The following PLCXD1 variants were observed in gnomAD, a reference collection of about 807,000 sequenced individuals.
The protein encoded by PLCXD1 is phosphatidylinositol specific phospholipase C X domain containing 1, also known as PI-PLC X domain-containing protein 1.
PLCXD1 carries 45 observed loss-of-function variants against 37.8 expected under a neutral mutation model. The observed-to-expected ratio is 1.19, with a 90% CI of 0.94 to 1.53. The LOEUF (loss-of-function observed/expected upper bound fraction) is 1.53. Ranked by LOEUF, PLCXD1 falls within the 40% of genes most tolerant of loss-of-function variation. PLCXD1 has a pLI of 0.00. For missense variants in PLCXD1, 539 were observed against 454.7 expected (o/e 1.19, Z -1.69); for synonymous variants, 246 against 206.9 (o/e 1.19, Z -1.62).
At chrX:286,259 T>A (rs1444857119) in intron 2 of PLCXD1, among the ~76,000 whole-genome samples, 1 of 152,042 alleles carries the variant, frequency 6.6e-6, no homozygotes, top group African/African-American at 2.4e-5. Context: ...GAGATGGGGT[T>A]TCACCATGTT....
upstream of PLCXD1, among the ~76,000 whole-genome samples, chrX:276,608 G>T (rs1283754670): frequency 6.6e-6 from 1 of 152,140 alleles, no homozygotes; most frequent in Non-Finnish European, 1.5e-5. Flanking sequence ...GCAGCCACAG[G>T]CGGCCTGCAC....
upstream of PLCXD1, chrX:281,239 C>A: frequency 4.4e-6 from 1 of 228,166 alleles, no homozygotes; most frequent in Non-Finnish European, 8.8e-6. Context: ...CTCCTGGGGA[C>A]CCGGAGCCGC....
chrX:293,032 C>G lies in PLCXD1; in HGVS notation c.550-3C>G, dbSNP rs1289863506. 28 of 1,602,108 alleles carry G rather than the reference C, an allele frequency of 1.7e-5. No individual in the cohort carries two copies. The highest frequency in any genetic ancestry group is 2.4e-5 in the Non-Finnish European group (28 of 1,172,998). The stretch of plus-strand genomic sequence containing the variant: ...TGCACCCCTTAACTCTGGTCCTTTG[C>G]AGGAGGTGCCGACACTGCGGCAGCT... On this transcript the variant is annotated splice_polypyrimidine_tract_variant and splice_region_variant and intron_variant, in intron 5 of 6. Transcript: ENST00000381657.
chrX:294,364 C>T (rs775222402), intron 6 of PLCXD1, among the ~76,000 whole-genome samples: 195 of 152,158 alleles, frequency 1.3e-3, no homozygotes, highest in African/African-American at 4.4e-3. Context: ...CGCCTGTAAT[C>T]CCAGCTACTC....
intron 1 of PLCXD1, chrX:283,358 C>T (rs1167154766): frequency 6.6e-6 from 1 of 151,876 alleles, no homozygotes; most frequent in Non-Finnish European, 1.5e-5. Flanking sequence ...GAGACCAGCC[C>T]GTGTTATACG....
chrX:291,934 G>A (rs775110657), intron 5 of PLCXD1, among the ~76,000 whole-genome samples: 58 of 152,170 alleles, frequency 3.8e-4, no homozygotes, highest in African/African-American at 1.2e-3. Flanking sequence ...TTGGGAGGCC[G>A]AGGCGGGTGG....
rs2069637029 is a variant in PLCXD1 at position 291,577 on chromosome X, G to A, written c.472G>A (p.Gly158Arg). 1 of 1,613,042 alleles carries A rather than the reference G, an allele frequency of 6.2e-7. No individual in the cohort carries two copies. Among genetic ancestry groups the A allele is most frequent in the African/African-American group, 1.3e-5 (1 of 74,894 alleles). Reference protein sequence around the residue: ...VVILACRNFEGLSEDLHEYLV... With the variant: ...VVILACRNFERLSEDLHEYLV... ...CATCCTGGCCTGCAGAAACTTCGAGGGGCTGAGCGAGGACCTGCACGAGTA... is the reference window on the plus strand; with the variant it reads ...CATCCTGGCCTGCAGAAACTTCGAGAGGCTGAGCGAGGACCTGCACGAGTA... The change falls in exon 5 of 7, where the codon GGG (glycine) becomes AGG (arginine). Residue 158 changes from glycine (G) to arginine (R), a missense_variant. Gly to Arg is a moderately radical substitution (Grantham distance 125, BLOSUM62 -2). Transcript: ENST00000381657.
At chrX:278,500 A>G (rs1324544117), upstream of PLCXD1, among the ~76,000 whole-genome samples, 1 of 152,104 alleles carries the variant, frequency 6.6e-6, no homozygotes, top group Non-Finnish European at 1.5e-5. Flanking sequence ...GCACTTTGGG[A>G]GGCCAAGGCG....
chrX:276,920 C>T (rs1317185560), upstream of PLCXD1, among the ~76,000 whole-genome samples: 1 of 152,188 alleles, frequency 6.6e-6, no homozygotes, highest in African/African-American at 2.4e-5. Flanking sequence ...GTGAGTCTCC[C>T]GAGGACTCAG....
chrX:293,685 A>G (rs1257578912), intron 6 of PLCXD1, among the ~76,000 whole-genome samples: 1 of 152,184 alleles, frequency 6.6e-6, no homozygotes, highest in Non-Finnish European at 1.5e-5. Context: ...GTGGAATATT[A>G]CACAGCCATG....
rs1396220448 is a variant in PLCXD1 at position 285,367 on chromosome X, C to T, written c.127+1053C>T. On this transcript the variant is annotated intron_variant, in intron 2 of 6. Transcript: ENST00000381657. ...ACACGTGTACACATGTACACACATGCACACATGTATATATATATTTGCACC... is the reference window on the plus strand; with the variant it reads ...ACACGTGTACACATGTACACACATGTACACATGTATATATATATTTGCACC... Among the ~76,000 whole-genome samples the T allele has an allele frequency of 1.6e-4, 23 of 148,160 alleles. 1 individual carries two copies. The highest frequency in any genetic ancestry group is 6.0e-4 in the African/African-American group (23 of 38,110).
chrX:286,880 G>A (rs1208060578), intron 2 of PLCXD1, among the ~76,000 whole-genome samples: 1 of 152,012 alleles, frequency 6.6e-6, no homozygotes, highest in East Asian at 1.9e-4. Context: ...GGCAGCAGGA[G>A]AAGTACTGGT....
chrX:299,039 A>C (rs982060316), intron 6 of PLCXD1, 58 bp from the exon 7 acceptor site: 13 of 1,260,068 alleles, frequency 1.0e-5, no homozygotes, highest in Middle Eastern at 1.9e-4. Flanking sequence ...ACTAGGAGGG[A>C]GAAACAGGCG....
rs1569564521 is a variant in PLCXD1 at position 290,886 on chromosome X, C to CAAGCTCCCGT, written c.393+110_393+111insAAGCTCCCGT. The CAAGCTCCCGT allele has an allele frequency of 1.0e-3, 330 of 322,604 alleles. 2 individuals carry two copies. The highest frequency in any genetic ancestry group is 1.2e-3 in the East Asian group (18 of 14,870). 20.0% of individuals were successfully genotyped at this position (322,604 alleles called of 1,614,324 possible). On this transcript the variant is annotated intron_variant, in intron 4 of 6. Coordinates refer to ENST00000381657, the MANE Select transcript of PLCXD1 (RefSeq NM_018390.4). The stretch of plus-strand genomic sequence containing the variant: ...AGCAAGGGGGACAGCGGGAGGCGGC[C>CAAGCTCCCGT]GGGCACTGGTGCAGGTGCGGCCGGG...
At chrX:288,973 G>T (rs1226080642) in intron 3 of PLCXD1, 104 bp downstream of exon 3, 25 of 1,114,434 alleles carry the variant, frequency 2.2e-5, no homozygotes, top group Non-Finnish European at 3.1e-5. Flanking sequence ...TTTGAGTGGT[G>T]CCCTGTGGGC....
At chrX:291,696 G>A in intron 5 of PLCXD1, 42 bp downstream of exon 5, 1 of 1,601,636 alleles carries the variant, frequency 6.2e-7, no homozygotes, top group South Asian at 1.1e-5. Flanking sequence ...CCCGGGGCAG[G>A]GGCATCGTCA....
chrX:290,429 CAA>C lies in PLCXD1; in HGVS notation c.265-204_265-203del, dbSNP rs56084430. ...TGGGTGACAGAGCGAGACTCCGTCT[CAA>C]AAAAAAAAAAAAAAGGCCAGGTCCC... On this transcript the variant is annotated intron_variant, in intron 3 of 6. Coordinates refer to ENST00000381657, the MANE Select transcript of PLCXD1 (RefSeq NM_018390.4). Among the ~76,000 whole-genome samples the C allele has an allele frequency of 7.8e-3, 979 of 126,258 alleles. 8 individuals are homozygous for C. Among genetic ancestry groups the C allele is most frequent in the African/African-American group, 0.021 (736 of 34,436 alleles). 82.8% of individuals were successfully genotyped at this position (126,258 alleles called of 152,430 possible).
chrX:278,805 G>C (rs1364525180), upstream of PLCXD1, among the ~76,000 whole-genome samples: 2 of 151,780 alleles, frequency 1.3e-5, no homozygotes, highest in Admixed American at 6.6e-5. Flanking sequence ...GCCTCAGGAG[G>C]TCCTGACGAC....
At chrX:293,426 C>T (rs2069703239) in intron 6 of PLCXD1, among the ~76,000 whole-genome samples, 1 of 152,178 alleles carries the variant, frequency 6.6e-6, no homozygotes, top group Non-Finnish European at 1.5e-5. Context: ...GAGTTTGAGA[C>T]CAGCCTGGCC....
Sources: gnomAD v4.1 joint callset for allele counts (sites outside exome capture counted in the v4.1 genomes callset) on GRCh38, gnomAD v4.1.1 for gene constraint, MANE v1.5 for transcripts, NCBI Gene and HGNC (gene_info 2026-07-23, HGNC 2026-07-21) for gene names.